The following COG5 variants were observed in gnomAD, a reference collection of about 807,000 sequenced individuals.
COG5 encodes the protein conserved oligomeric Golgi complex subunit 5.
COG5 carries 86 observed loss-of-function variants against 110.4 expected under a neutral mutation model. The observed-to-expected ratio is 0.78, with a 90% CI of 0.65 to 0.93. COG5 has a LOEUF of 0.93. Among genes scored for constraint, COG5 ranks in the 40% least tolerant of loss-of-function variants. The probability of loss-of-function intolerance (pLI) is 0.00; values close to 1 mark genes in which losing one functional copy is unlikely to be tolerated. For missense variants in COG5, 1,077 were observed against 987.0 expected, an observed-to-expected ratio of 1.09 and a Z score of -1.22; for synonymous variants, 360 against 334.6, an observed-to-expected ratio of 1.08 and a Z score of -0.83.
chr7:107,545,250 G>A (rs1207558135), intron 5 of COG5, among the ~76,000 whole-genome samples: 1 of 152,190 alleles, frequency 6.6e-6, no homozygotes, highest in Admixed American at 6.5e-5. Context: ...TCTGTGGAAT[G>A]TAAAAAATAT....
At chr7:107,270,318 G>A (rs1353944317) in intron 14 of COG5, among the ~76,000 whole-genome samples, 2 of 149,592 alleles carry the variant, frequency 1.3e-5, no homozygotes, top group Non-Finnish European at 3.0e-5. Flanking sequence ...GGAGTGCAGT[G>A]GCCATGATCT....
rs116878873 is a variant in COG5, at chr7:107,284,502, G to A, written c.1314-770C>T. 2.5e-3 allele frequency among the ~76,000 whole-genome samples: 388 copies of A among 152,280 alleles called. 1 individual carries two copies. Among genetic ancestry groups the A allele is most frequent in the Non-Finnish European group, 4.6e-3 (314 of 68,022 alleles). ...TCACTGACTGAGAGGGAAGTGTACA[G>A]ACTTAGGTTTTTACATTTTCCATTT... On this transcript the variant is annotated intron_variant, in intron 12 of 21. Transcript: ENST00000297135.
At chr7:107,209,823 G>GA (rs1562911852) in intron 21 of COG5, 1 of 985,402 alleles carries the variant, frequency 1.0e-6, no homozygotes, top group Non-Finnish European at 1.2e-6. Flanking sequence ...TGAGTTTACA[G>GA]AAGGAAATGG....
At chr7:107,516,771 T>A (rs1799951045) in intron 6 of COG5, among the ~76,000 whole-genome samples, 1 of 151,162 alleles carries the variant, frequency 6.6e-6, no homozygotes, top group East Asian at 1.9e-4. Context: ...AGAAGAGGGG[T>A]CCGTTGGAAG....
At chr7:107,205,954 G>A (rs1301860611) in intron 21 of COG5, among the ~76,000 whole-genome samples, 2 of 143,378 alleles carry the variant, frequency 1.4e-5, no homozygotes, top group Non-Finnish European at 3.1e-5. Context: ...AAGTGTAGCT[G>A]TTTTTTTTTT....
intron 5 of COG5, among the ~76,000 whole-genome samples, chr7:107,537,330 G>T (rs1801653051): frequency 6.6e-6 from 1 of 152,086 alleles, no homozygotes; most frequent in South Asian, 2.1e-4. Flanking sequence ...CAAAGACTTG[G>T]AACCAACCCA....
intron 6 of COG5, among the ~76,000 whole-genome samples, chr7:107,460,316 T>A (rs1795909396): frequency 6.6e-6 from 1 of 151,556 alleles, no homozygotes; most frequent in Non-Finnish European, 1.5e-5. Context: ...GGTGGGAGAA[T>A]CTCTTGAGCC....
chr7:107,283,699 G>A lies in COG5; in HGVS notation c.1347C>T (p.Pro449=), dbSNP rs1584618796. ...PEKALKDSLQ[P]YEAAYLSKSL... ...ATTTTGATAGATAAGCAGCCTCATA[G>A]GGTTGTAGTGAGTCTTTCAAAGCCT... is the stretch of plus-strand genomic sequence containing the variant. Residue 449 remains proline, a synonymous_variant, in exon 13 of 22, where the codon CCC becomes CCT. Coordinates refer to ENST00000297135, the MANE Select transcript of COG5 (RefSeq NM_006348.5). 1 of 1,613,902 alleles carries A rather than the reference G, an allele frequency of 6.2e-7. No individual in the cohort carries two copies. The highest frequency in any genetic ancestry group is 1.3e-5 in the African/African-American group (1 of 74,930).
chr7:107,443,306 C>A (rs1016855895), intron 6 of COG5, among the ~76,000 whole-genome samples: 12 of 152,108 alleles, frequency 7.9e-5, no homozygotes, highest in Admixed American at 7.9e-4. Flanking sequence ...AATAGTCAAA[C>A]CTGTGAAACA....
intron 19 of COG5, among the ~76,000 whole-genome samples, chr7:107,221,680 G>C (rs1439586421): frequency 6.6e-6 from 1 of 151,642 alleles, no homozygotes; most frequent in Non-Finnish European, 1.5e-5. Flanking sequence ...CAGGAGAATG[G>C]CGTGAACCTG....
intron 6 of COG5, among the ~76,000 whole-genome samples, chr7:107,469,704 T>C (rs1796516092): frequency 6.6e-6 from 1 of 152,118 alleles, no homozygotes; most frequent in Admixed American, 6.6e-5. Context: ...GACTAAAATA[T>C]TCTCAAATGC....
At chr7:107,284,246 C>T (rs750277171) in intron 12 of COG5, among the ~76,000 whole-genome samples, 7 of 152,104 alleles carry the variant, frequency 4.6e-5, no homozygotes, top group Non-Finnish European at 1.0e-4. Flanking sequence ...TTAATCTCTA[C>T]GTAAGTCCCC....
intron 17 of COG5, among the ~76,000 whole-genome samples, chr7:107,238,778 T>C (rs766456241): frequency 4.3e-4 from 65 of 152,372 alleles, no homozygotes; most frequent in Admixed American, 2.7e-3. Context: ...ACATATCTAC[T>C]GGCCATTTGT....
chr7:107,421,663 G>A (rs1793300896), intron 6 of COG5, among the ~76,000 whole-genome samples: 1 of 151,632 alleles, frequency 6.6e-6, no homozygotes, highest in Non-Finnish European at 1.5e-5. Flanking sequence ...GGTGGTAGGT[G>A]AAGCAGGAAG....
chr7:107,248,310 G>T (rs747536979), intron 17 of COG5, 86 bp downstream of exon 17: 17 of 866,314 alleles, frequency 2.0e-5, no homozygotes, highest in Admixed American at 8.6e-5. Flanking sequence ...TGGATGGCAG[G>T]GGGGCAGCTT....
chr7:107,542,196 A>T (rs1021789766), intron 5 of COG5, among the ~76,000 whole-genome samples: 20 of 152,212 alleles, frequency 1.3e-4, no homozygotes, highest in Admixed American at 2.6e-4. Context: ...TCTCTCCAAC[A>T]ACAGACAAGA....
chr7:107,218,707 G>A (rs975040761), intron 19 of COG5, among the ~76,000 whole-genome samples: 5 of 151,826 alleles, frequency 3.3e-5, no homozygotes, highest in African/African-American at 4.8e-5. Context: ...ATTCAAAAAC[G>A]GATAAAAGTC....
At chr7:107,298,552 C>T (rs1806965252) in intron 11 of COG5, among the ~76,000 whole-genome samples, 1 of 151,896 alleles carries the variant, frequency 6.6e-6, no homozygotes, top group African/African-American at 2.4e-5. Flanking sequence ...TATTTTGAAA[C>T]CTAATCTATA....
At chr7:107,460,142 C>T (rs1480285661) in intron 6 of COG5, among the ~76,000 whole-genome samples, 8 of 152,100 alleles carry the variant, frequency 5.3e-5, no homozygotes. Flanking sequence ...GTGGCTCATG[C>T]CTGTAATCCC....
Sources: gnomAD v4.1 joint callset for allele counts (sites outside exome capture counted in the v4.1 genomes callset) on GRCh38, gnomAD v4.1.1 for gene constraint, MANE v1.5 for transcripts, NCBI Gene and HGNC (gene_info 2026-07-23, HGNC 2026-07-21) for gene names.